Variants in SND1 observed in about 807,000 individuals in gnomAD.
SND1 encodes staphylococcal nuclease and tudor domain containing 1.
In SND1, 38 loss-of-function variants were observed where a neutral mutation model predicts 121.7. The ratio of observed to expected loss-of-function variants is 0.31; its 90% CI spans 0.24 to 0.41. The LOEUF (loss-of-function observed/expected upper bound fraction) is 0.41, where lower values mean the gene tolerates loss of function less well. Among genes scored for constraint, SND1 ranks in the 10% least tolerant of loss-of-function variants. The pLI, the probability that SND1 is intolerant of heterozygous loss-of-function variation, is 1.00. For synonymous variants in SND1, 401 were observed against 447.4 expected (o/e 0.90, Z 1.31); for missense variants, 868 against 1,184.6 (o/e 0.73, Z 3.92).
At chr7:127,753,432 G>A (rs149753522) in intron 10 of SND1, among the ~76,000 whole-genome samples, 182 of 151,862 alleles carry the variant, frequency 1.2e-3, no homozygotes, top group Non-Finnish European at 2.1e-3. Flanking sequence ...AAATTGAGAT[G>A]TTGATATTTT....
chr7:127,859,465 T>A (rs139208419), intron 12 of SND1, among the ~76,000 whole-genome samples: 1 of 152,310 alleles, frequency 6.6e-6, no homozygotes, highest in East Asian at 1.9e-4. Context: ...CCTGAAATAA[T>A]ACCAAAGTTT....
rs530891794 is a variant in SND1, at chr7:128,030,675, A to AT, written c.1779+39623dup. 388 of 1,523,338 alleles carry AT rather than the reference A, an allele frequency of 2.5e-4. 4 individuals are homozygous for AT. The South Asian group carries it at 4.8e-3, about 19-fold the overall frequency. 94.4% of individuals were successfully genotyped at this position (1,523,338 alleles called of 1,614,324 possible). On this transcript the variant is annotated intron_variant, in intron 16 of 23. Coordinates refer to ENST00000354725, the MANE Select transcript of SND1 (RefSeq NM_014390.4). ...CGTTCATAATTCACCATCGCCTGGG[A>AT]TTTTGGCTCGGAAAGGAGAACCAGC...
At chr7:127,685,678 G>A (rs981423552) in intron 1 of SND1, among the ~76,000 whole-genome samples, 2 of 152,216 alleles carry the variant, frequency 1.3e-5, no homozygotes, top group Non-Finnish European at 2.9e-5. Flanking sequence ...TTTGATTAGA[G>A]AGATGAAAGG....
chr7:127,766,702 G>A (rs1457155970), intron 10 of SND1, among the ~76,000 whole-genome samples: 2 of 140,810 alleles, frequency 1.4e-5, no homozygotes, highest in Non-Finnish European at 3.0e-5. Flanking sequence ...AACCCAGGAG[G>A]CGGAGCTTGC....
In SND1 at chr7:128,029,447, G is replaced by A. The variant is rs774253630; in HGVS notation, c.1779+38391G>A. ...CGTCGTTGAGGACAGAGATCCTTGGGTGGCGGGAGGCGTGGCTGAGCACTG... is the reference window on the plus strand; with the variant it reads ...CGTCGTTGAGGACAGAGATCCTTGGATGGCGGGAGGCGTGGCTGAGCACTG... On this transcript the variant is annotated intron_variant, in intron 16 of 23. Coordinates refer to ENST00000354725, the MANE Select transcript of SND1 (RefSeq NM_014390.4). The surrounding 1 kb of genome is among the most constrained non-coding windows in gnomAD (Gnocchi z 4.2). 2.5e-6 allele frequency: 4 copies of A among 1,614,102 alleles called. No individual in the cohort carries two copies. The highest frequency in any genetic ancestry group is 1.3e-5 in the African/African-American group (1 of 74,926).
intron 12 of SND1, among the ~76,000 whole-genome samples, chr7:127,881,647 C>T (rs1799792166): frequency 6.6e-6 from 1 of 152,318 alleles, no homozygotes; most frequent in Admixed American, 6.5e-5. Context: ...GCAAAACACA[C>T]AGTCTGGTTC....
At position 128,092,327 on chromosome 7, in the gene SND1, T is replaced by A. The variant is rs538868076; in HGVS notation, c.*269T>A. 2.7e-3 allele frequency: 1,215 copies of A among 443,864 alleles called. 13 individuals carry two copies. The highest frequency in any genetic ancestry group is 0.019 in the African/African-American group (986 of 50,958). 27.5% of individuals were successfully genotyped at this position (443,864 alleles called of 1,614,324 possible). On this transcript the variant is annotated 3_prime_UTR_variant, in exon 24 of 24. Coordinates refer to ENST00000354725, the MANE Select transcript of SND1 (RefSeq NM_014390.4). The surrounding 1 kb of genome is among the most constrained non-coding windows in gnomAD (Gnocchi z 4.9). ...TTATTTGGAGGTTTGTGGGCTTTTT[T>A]TAAAAAAAAAAAGTCCTCAAATCAG...
intron 16 of SND1, among the ~76,000 whole-genome samples, chr7:128,067,596 G>A (rs1793337631): frequency 6.6e-6 from 1 of 152,120 alleles, no homozygotes. Context: ...GCTTGAGGCA[G>A]CCCACCTTCC....
chr7:127,860,852 A>G (rs1799364196), intron 12 of SND1, among the ~76,000 whole-genome samples: 1 of 152,226 alleles, frequency 6.6e-6, no homozygotes. Flanking sequence ...ATCATTTTTC[A>G]GGCTCAATGT....
At chr7:127,833,260 CTTT>C (rs35890438) in intron 11 of SND1, among the ~76,000 whole-genome samples, 2 of 97,308 alleles carry the variant, frequency 2.1e-5, no homozygotes, top group African/African-American at 8.0e-5. Context: ...ATTGAACTGT[CTTT>C]TTTTTTTTTT....
chr7:127,881,200 C>A (rs1261429957), intron 12 of SND1, among the ~76,000 whole-genome samples: 2 of 152,102 alleles, frequency 1.3e-5, no homozygotes, highest in African/African-American at 4.8e-5. Context: ...AGATTTACTG[C>A]TCCTCAAAGA....
chr7:127,765,550 C>G (rs1797395941), intron 10 of SND1, among the ~76,000 whole-genome samples: 1 of 152,236 alleles, frequency 6.6e-6, no homozygotes, highest in Non-Finnish European at 1.5e-5. Context: ...CCATTTTTCT[C>G]AATCTCTTGT....
At chr7:127,780,519 G>T (rs1797700055) in intron 10 of SND1, among the ~76,000 whole-genome samples, 1 of 152,208 alleles carries the variant, frequency 6.6e-6, no homozygotes, top group Non-Finnish European at 1.5e-5. Flanking sequence ...GATCCCATCA[G>T]AAATAATTTC....
intron 1 of SND1, among the ~76,000 whole-genome samples, chr7:127,684,707 G>C (rs1171788252): frequency 1.3e-5 from 2 of 152,084 alleles, no homozygotes; most frequent in African/African-American, 4.8e-5. Context: ...AAGTTTTAGG[G>C]TTTAATTGCT....
intron 15 of SND1, among the ~76,000 whole-genome samples, chr7:127,957,905 T>C (rs2116865534): frequency 6.6e-6 from 1 of 152,296 alleles, no homozygotes; most frequent in Middle Eastern, 3.4e-3. Context: ...TTTCACCATG[T>C]TGGCCAGGCT....
intron 14 of SND1, among the ~76,000 whole-genome samples, chr7:127,921,748 T>A (rs932044376): frequency 2.0e-5 from 3 of 152,342 alleles, no homozygotes; most frequent in South Asian, 2.1e-4. Flanking sequence ...CAACTTCTAG[T>A]CCCTGGCAAC....
intron 9 of SND1, among the ~76,000 whole-genome samples, chr7:127,717,664 T>G (rs1796414043): frequency 6.6e-6 from 1 of 152,152 alleles, no homozygotes; most frequent in Admixed American, 6.5e-5. Flanking sequence ...AATAGGTATC[T>G]GTGTGTCATT....
intron 12 of SND1, among the ~76,000 whole-genome samples, chr7:127,844,920 G>A (rs1584613315): frequency 6.6e-6 from 1 of 152,320 alleles, no homozygotes; most frequent in African/African-American, 2.4e-5. Flanking sequence ...GCCAGGCTGA[G>A]GAAGAGTCTT....
At chr7:127,694,783 T>C (rs1241076877) in intron 2 of SND1, 45 bp from the exon 3 acceptor site, 2 of 1,604,624 alleles carry the variant, frequency 1.2e-6, no homozygotes, top group Non-Finnish European at 1.7e-6. Context: ...GATTGGCATC[T>C]GAAACTAGGC....
Sources: allele counts gnomAD v4.1 joint callset (sites outside exome capture counted in the v4.1 genomes callset), GRCh38; gene constraint gnomAD v4.1.1; non-coding constraint Gnocchi (gnomAD v3.1); transcripts MANE v1.5; gene names NCBI Gene and HGNC (gene_info 2026-07-23, HGNC 2026-07-21).